The following IFT25 variants were observed in gnomAD, a reference collection of about 807,000 sequenced individuals.
IFT25 encodes intraflagellar transport 25.
the IFT25 span, among the ~76,000 whole-genome samples, chr1:53,917,335 C>CA: frequency 1.3e-5 from 2 of 152,154 alleles, no homozygotes; most frequent in African/African-American, 4.8e-5. Context: ...AAATAGTAAG[C>CA]AAATTCCAGA....
the IFT25 span, chr1:53,916,746 T>TC: frequency 2.7e-6 from 1 of 377,298 alleles, no homozygotes. Context: ...TATTCATCTT[T>TC]CCCCAAATTC....
At chr1:53,930,344 A>C in the IFT25 span, among the ~76,000 whole-genome samples, 1 of 152,146 alleles carries the variant, frequency 6.6e-6, no homozygotes, top group Admixed American at 6.6e-5. Flanking sequence ...AAAACACAGA[A>C]ACGGAATTGA....
At chr1:53,914,247 T>C in the IFT25 span, among the ~76,000 whole-genome samples, 3 of 152,222 alleles carry the variant, frequency 2.0e-5, no homozygotes, top group African/African-American at 7.2e-5. Flanking sequence ...AGAGAACATA[T>C]GCCAGTTCTC....
the IFT25 span, among the ~76,000 whole-genome samples, chr1:53,945,399 ACCTCCCGCCGCGGCCCTTCCACG>A: frequency 6.6e-6 from 1 of 151,394 alleles, no homozygotes; most frequent in Non-Finnish European, 1.5e-5. Flanking sequence ...CCCGCGTCAG[ACCTCCCGCCGCGGCCCTTCCACG>A]CCTCCCGCCG....
chr1:53,933,830 T>G, the IFT25 span, among the ~76,000 whole-genome samples: 8 of 152,142 alleles, frequency 5.3e-5, no homozygotes, highest in Non-Finnish European at 1.2e-4. Flanking sequence ...AATAATTTTT[T>G]TAAAATTCCA....
At chr1:53,940,947 A>C in the IFT25 span, among the ~76,000 whole-genome samples, 2 of 151,010 alleles carry the variant, frequency 1.3e-5, no homozygotes, top group Non-Finnish European at 2.9e-5. Context: ...TGGGAGGCCA[A>C]AAAAAAATTT....
At chr1:53,915,283 T>C in the IFT25 span, among the ~76,000 whole-genome samples, 1 of 152,226 alleles carries the variant, frequency 6.6e-6, no homozygotes, top group South Asian at 2.1e-4. Context: ...ATGATAAACA[T>C]GATATACATG....
At chr1:53,921,890 C>T in the IFT25 span, 1 of 639,870 alleles carries the variant, frequency 1.6e-6, no homozygotes, top group Admixed American at 2.6e-5. Context: ...ACACATAAGG[C>T]CAGCTACATA....
chr1:53,925,877 G>C, the IFT25 span, among the ~76,000 whole-genome samples: 1 of 151,340 alleles, frequency 6.6e-6, no homozygotes, highest in Non-Finnish European at 1.5e-5. Context: ...GAGGTGGGTG[G>C]ACGATTTGAG....
the IFT25 span, among the ~76,000 whole-genome samples, chr1:53,926,772 G>C: frequency 6.6e-6 from 1 of 151,452 alleles, no homozygotes; most frequent in Admixed American, 6.6e-5. Flanking sequence ...ACCCAGGCTG[G>C]AGTGCAGTGG....
the IFT25 span, chr1:53,939,589 A>C: frequency 1.1e-3 from 207 of 186,862 alleles, 1 homozygote; most frequent in Non-Finnish European, 1.6e-3. Context: ...CAGTTCTGCA[A>C]AGATATCACT....
At chr1:53,936,994 G>A in the IFT25 span, among the ~76,000 whole-genome samples, 1 of 152,224 alleles carries the variant, frequency 6.6e-6, no homozygotes, top group African/African-American at 2.4e-5. Context: ...TGAAGGAATG[G>A]AGAGTTTGGA....
chr1:53,922,488 C>A, the IFT25 span, among the ~76,000 whole-genome samples: 1 of 151,970 alleles, frequency 6.6e-6, no homozygotes, highest in Non-Finnish European at 1.5e-5. Context: ...TACCCTGAAG[C>A]ATGACTACAT....
chr1:53,929,046 T>C, the IFT25 span: 1 of 152,802 alleles, frequency 6.5e-6, no homozygotes, highest in Non-Finnish European at 1.5e-5. Flanking sequence ...TCCAGATCCA[T>C]TCCTCCTCTT....
At chr1:53,939,820 A>T in the IFT25 span, 1 of 584,954 alleles carries the variant, frequency 1.7e-6, no homozygotes, top group Non-Finnish European at 3.0e-6. Context: ...CTAAATATAC[A>T]CAACTCAATT....
chr1:53,928,361 G>C, the IFT25 span: 1 of 1,602,968 alleles, frequency 6.2e-7, no homozygotes, highest in African/African-American at 1.3e-5. Flanking sequence ...CAATGCTGGT[G>C]AAACACATAC....
the IFT25 span, among the ~76,000 whole-genome samples, chr1:53,937,090 T>C: frequency 1.3e-5 from 2 of 152,174 alleles, no homozygotes; most frequent in Non-Finnish European, 2.9e-5. Flanking sequence ...GTTACTCTAT[T>C]TAGATAAAGC....
the IFT25 span, among the ~76,000 whole-genome samples, chr1:53,936,321 A>G: frequency 6.6e-6 from 1 of 151,736 alleles, no homozygotes; most frequent in Admixed American, 6.6e-5. Flanking sequence ...ATGGTGGTGC[A>G]TGCCTGTAGT....
chr1:53,942,032 T>A, the IFT25 span, among the ~76,000 whole-genome samples: 2 of 152,192 alleles, frequency 1.3e-5, no homozygotes, highest in Admixed American at 1.3e-4. Flanking sequence ...AGGACTTCTA[T>A]CCTTATCCTA....
Sources: gnomAD v4.1 joint callset for allele counts (sites outside exome capture counted in the v4.1 genomes callset) on GRCh38, gnomAD v4.1.1 for gene constraint, MANE v1.5 for transcripts, NCBI Gene and HGNC (gene_info 2026-07-23, HGNC 2026-07-21) for gene names.